The following ATXN1 variants were observed in gnomAD, a reference collection of about 807,000 sequenced individuals.
ATXN1 encodes the protein ataxin 1, also known as ataxin-1.
ATXN1 carries 8 observed loss-of-function variants against 56.4 expected under a neutral mutation model. The observed-to-expected ratio is 0.14, with a 90% CI of 0.08 to 0.26. The LOEUF (loss-of-function observed/expected upper bound fraction) is 0.26. Among genes scored for constraint, ATXN1 ranks in the 10% least tolerant of loss-of-function variants. The probability of loss-of-function intolerance (pLI) is 1.00; values close to 1 mark genes in which losing one functional copy is unlikely to be tolerated. For missense variants in ATXN1, 987 were observed against 1,106.5 expected (o/e 0.89, Z 1.53); for synonymous variants, 514 against 494.6 (o/e 1.04, Z -0.52).
intron 4 of ATXN1, among the ~76,000 whole-genome samples, chr6:16,582,258 C>T (rs1180768939): frequency 6.6e-6 from 1 of 152,172 alleles, no homozygotes; most frequent in Non-Finnish European, 1.5e-5. Flanking sequence ...CCCTGTTCCC[C>T]CAAACCAGTT....
chr6:16,407,109 A>G (rs979675042), intron 6 of ATXN1, among the ~76,000 whole-genome samples: 94 of 152,350 alleles, frequency 6.2e-4, no homozygotes, highest in African/African-American at 2.1e-3. Context: ...GCGGCAGGAG[A>G]CTAGTGATCA....
At chr6:16,308,083 G>C (rs1416085347) in intron 7 of ATXN1, among the ~76,000 whole-genome samples, 1 of 151,966 alleles carries the variant, frequency 6.6e-6, no homozygotes, top group African/African-American at 2.4e-5. Context: ...GAGTCCGGGG[G>C]ACGAAGGTTG....
chr6:16,613,271 CA>C (rs765813165), intron 3 of ATXN1, among the ~76,000 whole-genome samples: 5,786 of 52,544 alleles, frequency 0.11, 78 homozygotes, highest in African/African-American at 0.26. Context: ...GACTCCGTCT[CA>C]AAAAAAAAAA....
intron 6 of ATXN1, among the ~76,000 whole-genome samples, chr6:16,353,039 ATT>A (rs2113462987): frequency 6.6e-6 from 1 of 152,266 alleles, no homozygotes; most frequent in Admixed American, 6.5e-5. Context: ...GAAAGGGACG[ATT>A]CACGTCTGCG....
chr6:16,440,648 A>AAAAAAAAAAAAAGAAAG (rs748929817), intron 6 of ATXN1, among the ~76,000 whole-genome samples: 2 of 118,540 alleles, frequency 1.7e-5, no homozygotes, highest in African/African-American at 7.1e-5. Flanking sequence ...CTTAAAAAAA[A>AAAAAAAAAAAAAGAAAG]AAAAGAAAAG....
rs796839946 is a variant in ATXN1 at position 16,700,981 on chromosome 6, G to GA, written c.-614-43081dup. Among the ~76,000 whole-genome samples, 282 of 138,656 alleles carry GA rather than the reference G, an allele frequency of 2.0e-3. 2 individuals are homozygous for GA. Among genetic ancestry groups the GA allele is most frequent in the Middle Eastern group, 7.4e-3 (2 of 272 alleles). 91.0% of individuals were successfully genotyped at this position (138,656 alleles called of 152,430 possible). A position where few individuals can be genotyped will look rare whatever the true frequency, so the allele number is the denominator to read the frequency against. ...GAACCGTGAACCAGCAAAACAAATG[G>GA]AAAAAAAAAAAACAAAAAGCAGCGA... On this transcript the variant is annotated intron_variant, in intron 2 of 7. Transcript: ENST00000436367.
intron 4 of ATXN1, among the ~76,000 whole-genome samples, chr6:16,583,226 A>T (rs1340764828): frequency 6.6e-6 from 1 of 152,230 alleles, no homozygotes; most frequent in Non-Finnish European, 1.5e-5. Flanking sequence ...ACCAGAAATT[A>T]GGGCCAAAAC....
chr6:16,731,315 G>T (rs1457382948), intron 2 of ATXN1, among the ~76,000 whole-genome samples: 1 of 151,984 alleles, frequency 6.6e-6, no homozygotes, highest in Non-Finnish European at 1.5e-5. Context: ...GATTCTGGGA[G>T]TGCAAGATGC....
At chr6:16,633,147 T>C (rs946416592) in intron 3 of ATXN1, among the ~76,000 whole-genome samples, 1 of 152,218 alleles carries the variant, frequency 6.6e-6, no homozygotes, top group African/African-American at 2.4e-5. Context: ...TATTGATATA[T>C]GGTCATTTTG....
chr6:16,448,762 A>G (rs1243251478), intron 6 of ATXN1, among the ~76,000 whole-genome samples: 2 of 152,232 alleles, frequency 1.3e-5, no homozygotes, highest in East Asian at 3.8e-4. Context: ...CTAAGGCCCA[A>G]GAGGAAAGCC....
chr6:16,313,421 C>A (rs1213436830), intron 7 of ATXN1, among the ~76,000 whole-genome samples: 1 of 152,144 alleles, frequency 6.6e-6, no homozygotes, highest in Non-Finnish European at 1.5e-5. Flanking sequence ...AACTCCAAAT[C>A]TCCAAAGACA....
chr6:16,331,833 G>A (rs960525358), intron 6 of ATXN1, among the ~76,000 whole-genome samples: 1 of 152,184 alleles, frequency 6.6e-6, no homozygotes, highest in Non-Finnish European at 1.5e-5. Context: ...GCCAGCTTTC[G>A]TAAATTTGAA....
chr6:16,642,606 A>G (rs978678499), intron 3 of ATXN1, among the ~76,000 whole-genome samples: 4 of 152,244 alleles, frequency 2.6e-5, no homozygotes, highest in African/African-American at 7.2e-5. Flanking sequence ...TGCATACTAC[A>G]GAGAAATCTT....
intron 4 of ATXN1, among the ~76,000 whole-genome samples, chr6:16,582,141 T>G (rs1762541753): frequency 6.6e-6 from 1 of 152,224 alleles, no homozygotes; most frequent in African/African-American, 2.4e-5. Context: ...TCTCTGGTTC[T>G]TTCTGTTCTA....
intron 6 of ATXN1, among the ~76,000 whole-genome samples, chr6:16,417,276 C>A (rs1758930793): frequency 1.3e-5 from 2 of 152,186 alleles, no homozygotes; most frequent in African/African-American, 4.8e-5. Context: ...CTTAGGCAAT[C>A]CTCCTGCCTC....
intron 7 of ATXN1, among the ~76,000 whole-genome samples, chr6:16,312,736 T>G (rs753575090): frequency 3.9e-5 from 6 of 151,936 alleles, no homozygotes; most frequent in Admixed American, 6.6e-5. Context: ...GACAAAGAAG[T>G]TCTCAACCTT....
At chr6:16,501,031 G>A (rs2113673645) in intron 5 of ATXN1, among the ~76,000 whole-genome samples, 1 of 152,316 alleles carries the variant, frequency 6.6e-6, no homozygotes, top group Admixed American at 6.5e-5. Flanking sequence ...GTAGAAATTG[G>A]GAAGTGAGTT....
At chr6:16,349,374 G>A (rs1201865433) in intron 6 of ATXN1, among the ~76,000 whole-genome samples, 6 of 152,046 alleles carry the variant, frequency 3.9e-5, no homozygotes, top group East Asian at 3.9e-4. Flanking sequence ...ATGGTGGCAC[G>A]TGCCTGTAGT....
chr6:16,590,658 A>T (rs953616130), intron 3 of ATXN1, among the ~76,000 whole-genome samples: 14 of 151,846 alleles, frequency 9.2e-5, no homozygotes, highest in Non-Finnish European at 1.9e-4. Flanking sequence ...AAAAATACTA[A>T]ATTCATAACA....
Sources: gnomAD v4.1 joint callset for allele counts (sites outside exome capture counted in the v4.1 genomes callset) on GRCh38, gnomAD v4.1.1 for gene constraint, MANE v1.5 for transcripts, NCBI Gene and HGNC (gene_info 2026-07-23, HGNC 2026-07-21) for gene names.